Variants in GDF11 observed in about 807,000 individuals in gnomAD.
GDF11 encodes growth/differentiation factor 11.
GDF11 carries 12 observed loss-of-function variants against 34.4 expected under a neutral mutation model. That is an observed-to-expected ratio of 0.35 (90% CI 0.22 to 0.57). GDF11 has a LOEUF of 0.57. Ranked by LOEUF, GDF11 falls within the 20% of genes least tolerant of loss-of-function variation. The probability of loss-of-function intolerance (pLI) is 0.86; values close to 1 mark genes in which losing one functional copy is unlikely to be tolerated. For synonymous variants in GDF11, 212 were observed against 231.1 expected, an observed-to-expected ratio of 0.92 and a Z score of 0.75; for missense variants, 346 against 548.2, an observed-to-expected ratio of 0.63 and a Z score of 3.68.
rs764174849 is a variant in GDF11 at position 55,751,579 on chromosome 12, T to A, written c.*1697T>A. On this transcript the variant is annotated 3_prime_UTR_variant, in exon 3 of 3. Transcript: ENST00000257868. Reference sequence around the variant, plus strand: ...GGGCACCAGAGTAGTGGTGAAGAGATGTGAGGCTTAAGAGGAGTCACAGGC... The same window carrying A: ...GGGCACCAGAGTAGTGGTGAAGAGAAGTGAGGCTTAAGAGGAGTCACAGGC... 1 of 152,210 alleles carries A rather than the reference T, an allele frequency of 6.6e-6. No individual in the cohort carries two copies. The highest frequency in any genetic ancestry group is 1.5e-5 in the Non-Finnish European group (1 of 68,058). 9.4% of individuals were successfully genotyped at this position (152,210 alleles called of 1,614,324 possible).
In GDF11 at chr12:55,753,162, C is replaced by T. The variant is rs1878379225; in HGVS notation, c.*3280C>T. ...AACAAGACCCCTCTCCCAGCCTCCA[C>T]AGAATGGAAGATCTAAAGGTTCTCT... is the stretch of plus-strand genomic sequence containing the variant. On this transcript the variant is annotated 3_prime_UTR_variant, in exon 3 of 3. Transcript: ENST00000257868. 6.6e-6 allele frequency: 1 copy of T among 152,218 alleles called. No individual in the cohort carries two copies. Among genetic ancestry groups the T allele is most frequent in the Non-Finnish European group, 1.5e-5 (1 of 68,062 alleles). The allele number at this position is 152,218 out of a possible 1,614,324, so 9.4% of individuals were successfully genotyped here.
Position 55,748,947 on chromosome 12 carries a change from G to A in GDF11, c.807G>A (p.Leu269=). 1.2e-6 allele frequency: 2 copies of A among 1,601,712 alleles called. No homozygotes were observed. The highest frequency in any genetic ancestry group is 1.7e-6 in the Non-Finnish European group (2 of 1,179,760). ...CCTTTGATCCCAGTGGCACAGACCT[G>A]GCTGTCACCTCCCTGGGGCCGGGAG... is the stretch of plus-strand genomic sequence containing the variant. ...INAFDPSGTD[L]AVTSLGPGAE... is the part of the protein sequence containing the mutation. Residue 269 remains leucine (L), a synonymous_variant, in exon 2 of 3, where the codon CTG becomes CTA. Transcript: ENST00000257868. The surrounding 1 kb of genome is among the most constrained non-coding windows in gnomAD (Gnocchi z 5.6).
intron 1 of GDF11, among the ~76,000 whole-genome samples, chr12:55,747,193 A>AC (rs529892054): frequency 1.4e-3 from 206 of 151,012 alleles, no homozygotes; most frequent in African/African-American, 4.6e-3. Flanking sequence ...CTGAATTCTC[A>AC]CCCCCCAAAC....
chr12:55,749,690 G>A lies in GDF11; in HGVS notation c.1032G>A (p.Gln344=), dbSNP rs750335692. 1 of 1,614,160 alleles carries A rather than the reference G, an allele frequency of 6.2e-7. No homozygotes were observed. Among genetic ancestry groups the A allele is most frequent in the South Asian group, 1.1e-5 (1 of 91,084 alleles). The change falls in exon 3 of 3, where the codon CAG becomes CAA. Residue 344 remains glutamine (Q), a synonymous_variant. Coordinates refer to ENST00000257868, the MANE Select transcript of GDF11 (RefSeq NM_005811.5). This position sits in a 1 kb window ranked among gnomAD's most constrained non-coding sequence, Gnocchi z 5.6. ...KRYKANYCSG[Q]CEYMFMQKYP... is the part of the protein sequence containing the mutation. ...ACAAGGCCAACTACTGCTCCGGCCA[G>A]TGCGAGTACATGTTCATGCAAAAAT...
Position 55,749,838 on chromosome 12 carries a change from G to A in GDF11, c.1180G>A (p.Gly394Ser), listed in dbSNP as rs1878265998. The A allele has an allele frequency of 1.2e-6, 2 of 1,613,706 alleles. No individual in the cohort carries two copies. Among genetic ancestry groups the A allele is most frequent in the Non-Finnish European group, 8.5e-7 (1 of 1,179,960 alleles). The change falls in exon 3 of 3, where the codon GGC (glycine) becomes AGC (serine). Residue 394 changes from glycine to serine, a missense_variant. Gly to Ser is a moderately conservative substitution (Grantham distance 56). This residue lies in a region of GDF11 where 205 missense variants were observed against 311.3 expected (regional missense o/e 0.66). Transcript: ENST00000257868. The surrounding 1 kb of genome is among the most constrained non-coding windows in gnomAD (Gnocchi z 5.6). The part of the protein sequence containing the change: ...YFNDKQQIIY[G>S]KIPGMVVDRC... ...CAATGACAAGCAGCAGATTATCTAC[G>A]GCAAGATCCCTGGCATGGTGGTGGA...
rs1185636414 is a variant in GDF11, at chr12:55,752,638, T to G, written c.*2756T>G. 6.6e-6 allele frequency: 1 copy of G among 152,186 alleles called. No homozygotes were observed. The highest frequency in any genetic ancestry group is 1.5e-5 in the Non-Finnish European group (1 of 68,048). 9.4% of individuals were successfully genotyped at this position (152,186 alleles called of 1,614,324 possible). ...CACATTGTGTGCATGACAGCCTTTGTTAAGGGTGTCTGAGGAGTATGGAGC... is the reference window on the plus strand; with the variant it reads ...CACATTGTGTGCATGACAGCCTTTGGTAAGGGTGTCTGAGGAGTATGGAGC... On this transcript the variant is annotated 3_prime_UTR_variant, in exon 3 of 3. Coordinates refer to ENST00000257868, the MANE Select transcript of GDF11 (RefSeq NM_005811.5).
chr12:55,748,620 C>A lies in GDF11; in HGVS notation c.480C>A (p.Leu160=), dbSNP rs746286407. ...DPAVQTDGSP[L]CCHFHFSPKV... ...CAGTACAGACAGATGGCAGCCCTCT[C>A]TGCTGCCATTTTCACTTCAGCCCCA... Residue 160 remains leucine (L), a synonymous_variant, in exon 2 of 3, where the codon CTC becomes CTA. Coordinates refer to ENST00000257868, the MANE Select transcript of GDF11 (RefSeq NM_005811.5). This position sits in a 1 kb window ranked among gnomAD's most constrained non-coding sequence, Gnocchi z 5.6. 3 of 1,613,762 alleles carry A rather than the reference C, an allele frequency of 1.9e-6. No individual in the cohort carries two copies. In the South Asian group the frequency reaches 3.3e-5, roughly 18 times the overall value.
Position 55,743,725 on chromosome 12 carries a change from G to C in GDF11, c.409G>C (p.Ala137Pro). The change falls in exon 1 of 3, where the codon GCC (alanine) becomes CCC (proline). Residue 137 changes from alanine to proline, a missense_variant. Ala to Pro is a conservative substitution (Grantham distance 27). Transcript: ENST00000257868. ...EDFLEEDEYH[A>P]TTETVISMAQ... is the part of the protein sequence containing the mutation. ...CTTCCTGGAGGAGGACGAGTACCAC[G>C]CCACCACCGAGACCGTCATTAGCAT... 6.3e-7 allele frequency: 1 copy of C among 1,593,056 alleles called. No homozygotes were observed. The highest frequency in any genetic ancestry group is 1.1e-5 in the South Asian group (1 of 90,182).
rs1190349459 is a variant in GDF11 at position 55,749,876 on chromosome 12, C to T, written c.1218C>T (p.Cys406=). Reference sequence around the variant, plus strand: ...GCATGGTGGTGGATCGCTGTGGCTGCTCTTAAGGTGGGGGATAGAGGATGC... The same window carrying T: ...GCATGGTGGTGGATCGCTGTGGCTGTTCTTAAGGTGGGGGATAGAGGATGC... ...IPGMVVDRCG[C]S is the part of the protein sequence containing the mutation. Residue 406 remains cysteine, a synonymous_variant, in exon 3 of 3, where the codon TGC becomes TGT. Transcript: ENST00000257868. This position sits in a 1 kb window ranked among gnomAD's most constrained non-coding sequence, Gnocchi z 5.6. The T allele has an allele frequency of 5.0e-6, 8 of 1,611,754 alleles. No individual in the cohort carries two copies. The highest frequency in any genetic ancestry group is 6.8e-6 in the Non-Finnish European group (8 of 1,178,470).
chr12:55,743,266 G>A lies in GDF11; in HGVS notation c.-51G>A, dbSNP rs1302450861. On this transcript the variant is annotated 5_prime_UTR_variant, in exon 1 of 3. Transcript: ENST00000257868. Reference sequence around the variant, plus strand: ...TCCCTCCTCCCTCCGCCCCCTCCCCGCGGGACTCCGGCGTCCCCGCCCCCC... The same window carrying A: ...TCCCTCCTCCCTCCGCCCCCTCCCCACGGGACTCCGGCGTCCCCGCCCCCC... 5.9e-6 allele frequency: 2 copies of A among 341,224 alleles called. No homozygotes were observed. Among genetic ancestry groups the A allele is most frequent in the African/African-American group, 2.4e-5 (1 of 41,052 alleles). The allele number at this position is 341,224 out of a possible 1,614,324, so 21.1% of individuals were successfully genotyped here.
rs1464013888 is a variant in GDF11, at chr12:55,754,746, A to G, written c.*4864A>G. Reference sequence around the variant, plus strand: ...AATTGTAGTGTGAATACATGATATGAGAATATCACTTAATTCACACAGCAA... The same window carrying G: ...AATTGTAGTGTGAATACATGATATGGGAATATCACTTAATTCACACAGCAA... On this transcript the variant is annotated 3_prime_UTR_variant, in exon 3 of 3. Transcript: ENST00000257868. 1 of 152,250 alleles carries G rather than the reference A, an allele frequency of 6.6e-6. No homozygotes were observed. The highest frequency in any genetic ancestry group is 1.5e-5 in the Non-Finnish European group (1 of 68,032). The allele number at this position is 152,250 out of a possible 1,614,324, so 9.4% of individuals were successfully genotyped here.
Position 55,743,725 on chromosome 12 carries a change from G to A in GDF11, c.409G>A (p.Ala137Thr), listed in dbSNP as rs374537273. The A allele has an allele frequency of 1.4e-5, 22 of 1,593,056 alleles. No individual in the cohort carries two copies. Among genetic ancestry groups the A allele is most frequent in the Non-Finnish European group, 1.9e-5 (22 of 1,176,522 alleles). ...CTTCCTGGAGGAGGACGAGTACCAC[G>A]CCACCACCGAGACCGTCATTAGCAT... ...EDFLEEDEYH[A>T]TTETVISMAQ... The change falls in exon 1 of 3, where the codon GCC becomes ACC. Residue 137 changes from alanine to threonine, a missense_variant. Transcript: ENST00000257868.
rs760131097 is a variant in GDF11, at chr12:55,749,617, T to G, written c.959T>G (p.Val320Gly). Residue 320 changes from valine to glycine, a missense_variant, in exon 3 of 3, where the codon GTG becomes GGG. Transcript: ENST00000257868. This position sits in a 1 kb window ranked among gnomAD's most constrained non-coding sequence, Gnocchi z 5.6. ...CGCTGCTGCCGATATCCCCTCACAG[T>G]GGACTTTGAGGCTTTCGGCTGGGAC... ...ESRCCRYPLT[V>G]DFEAFGWDWI... 6.2e-7 allele frequency: 1 copy of G among 1,614,150 alleles called. No individual in the cohort carries two copies. Among genetic ancestry groups the G allele is most frequent in the Non-Finnish European group, 8.5e-7 (1 of 1,180,024 alleles).
rs1400363438 is a variant in GDF11 at position 55,753,048 on chromosome 12, G to A, written c.*3166G>A. 1 of 152,180 alleles carries A rather than the reference G, an allele frequency of 6.6e-6. No homozygotes were observed. Among genetic ancestry groups the A allele is most frequent in the Non-Finnish European group, 1.5e-5 (1 of 68,054 alleles). 9.4% of individuals were successfully genotyped at this position (152,180 alleles called of 1,614,324 possible). On this transcript the variant is annotated 3_prime_UTR_variant, in exon 3 of 3. Coordinates refer to ENST00000257868, the MANE Select transcript of GDF11 (RefSeq NM_005811.5). ...GTGGTATAAGGTTTGGGACATGCAG[G>A]CCAAGGAAGGATGGAAAGAGGACAG...
Position 55,754,936 on chromosome 12 carries a change from A to T in GDF11, c.*5054A>T, listed in dbSNP as rs1474688338. On this transcript the variant is annotated 3_prime_UTR_variant, in exon 3 of 3. Coordinates refer to ENST00000257868, the MANE Select transcript of GDF11 (RefSeq NM_005811.5). ...AAGTGATCCGGGAGGTAGAAACCTAAATACAGGAATAACATAAGGGAAAGA... is the reference window on the plus strand; with the variant it reads ...AAGTGATCCGGGAGGTAGAAACCTATATACAGGAATAACATAAGGGAAAGA... 1 of 152,222 alleles carries T rather than the reference A, an allele frequency of 6.6e-6. No homozygotes were observed. The highest frequency in any genetic ancestry group is 1.9e-4 in the East Asian group (1 of 5,202). The allele number at this position is 152,222 out of a possible 1,614,324, so 9.4% of individuals were successfully genotyped here. A position where few individuals can be genotyped will look rare whatever the true frequency, so the allele number is the denominator to read the frequency against.
intron 1 of GDF11, among the ~76,000 whole-genome samples, chr12:55,747,939 T>TA (rs1275189750): frequency 6.6e-6 from 1 of 152,212 alleles, no homozygotes; most frequent in Non-Finnish European, 1.5e-5. Context: ...AGAAACTTCT[T>TA]AAGAGAGAAT....
Position 55,749,488 on chromosome 12 carries a change from T to C in GDF11, c.844-14T>C. 6.3e-7 allele frequency: 1 copy of C among 1,596,472 alleles called. No individual in the cohort carries two copies. Among genetic ancestry groups the C allele is most frequent in the Non-Finnish European group, 8.6e-7 (1 of 1,168,340 alleles). On this transcript the variant is annotated splice_polypyrimidine_tract_variant and intron_variant, in intron 2 of 2. Coordinates refer to ENST00000257868, the MANE Select transcript of GDF11 (RefSeq NM_005811.5). The surrounding 1 kb of genome is among the most constrained non-coding windows in gnomAD (Gnocchi z 5.6). ...GACCATATCACATTTCTTTCCCCTC[T>C]CCCTGACCCTCAGCATCCATTCATG...
At position 55,750,828 on chromosome 12, in the gene GDF11, A is replaced by ATCATAG. The variant is rs1275212856; in HGVS notation, c.*946_*947insTCATAG. ...ATAATGAGAGCTACTTTAAACCCTC[A>ATCATAG]GGTCCACCCTCATGATGCTGAGTTA... On this transcript the variant is annotated 3_prime_UTR_variant, in exon 3 of 3. Coordinates refer to ENST00000257868, the MANE Select transcript of GDF11 (RefSeq NM_005811.5). 1.3e-5 allele frequency: 2 copies of ATCATAG among 152,186 alleles called. No homozygotes were observed. Among genetic ancestry groups the ATCATAG allele is most frequent in the Non-Finnish European group, 2.9e-5 (2 of 68,046 alleles). The allele number at this position is 152,186 out of a possible 1,614,324, so 9.4% of individuals were successfully genotyped here.
At position 55,749,918 on chromosome 12, in the gene GDF11, A is replaced by C. The variant is rs1592545691; in HGVS notation, c.*36A>C. On this transcript the variant is annotated 3_prime_UTR_variant, in exon 3 of 3. Transcript: ENST00000257868. The surrounding 1 kb of genome is among the most constrained non-coding windows in gnomAD (Gnocchi z 5.6). ...AGAGGATGCCTCCCCCACAGACCCT[A>C]CCCCAAGACCCCTAGCCCTGCCCCC... is the stretch of plus-strand genomic sequence containing the variant. The C allele has an allele frequency of 6.4e-7, 1 of 1,554,892 alleles. No homozygotes were observed. The highest frequency in any genetic ancestry group is 8.8e-7 in the Non-Finnish European group (1 of 1,141,716).
Sources: allele counts gnomAD v4.1 joint callset (sites outside exome capture counted in the v4.1 genomes callset), GRCh38; gene constraint gnomAD v4.1.1; regional missense constraint gnomAD v4.1.1; non-coding constraint Gnocchi (gnomAD v3.1); transcripts MANE v1.5; gene names NCBI Gene and HGNC (gene_info 2026-07-23, HGNC 2026-07-21).